The following C11orf58 variants were observed in gnomAD, a reference collection of about 807,000 sequenced individuals.
C11orf58 encodes the protein small acidic protein.
In C11orf58, 5 loss-of-function variants were observed where a neutral mutation model predicts 22.7. The observed-to-expected ratio is 0.22, with a 90% CI of 0.12 to 0.46. C11orf58 has a LOEUF of 0.46. Among genes scored for constraint, C11orf58 ranks in the 20% least tolerant of loss-of-function variants. The pLI is 0.99. For missense variants in C11orf58, 151 were observed against 223.3 expected (o/e 0.68, Z 2.06); for synonymous variants, 71 against 70.7 (o/e 1.00, Z -0.02).
intron 2 of C11orf58, among the ~76,000 whole-genome samples, chr11:16,745,723 ATTG>A: frequency 6.6e-6 from 1 of 152,200 alleles, no homozygotes; most frequent in East Asian, 1.9e-4. Flanking sequence ...GAAAATATCT[ATTG>A]TAAAAACCTT....
intron 3 of C11orf58, chr11:16,749,853 A>C (rs1223162667): frequency 3.9e-5 from 6 of 152,234 alleles, no homozygotes; most frequent in Non-Finnish European, 5.9e-5. Flanking sequence ...CCTCTCAGTG[A>C]GTGGCAAGTA....
intron 3 of C11orf58, 78 bp from the exon 4 acceptor site, chr11:16,752,707 T>G (rs1252359147): frequency 3.1e-6 from 3 of 974,120 alleles, no homozygotes; most frequent in Non-Finnish European, 4.6e-6. Context: ...GCCCTGAGTA[T>G]AATAGCATCT....
chr11:16,742,646 C>A (rs1248092791), intron 1 of C11orf58, among the ~76,000 whole-genome samples: 1 of 152,102 alleles, frequency 6.6e-6, no homozygotes, highest in African/African-American at 2.4e-5. Flanking sequence ...AATGCTTTAA[C>A]TCTCATATGC....
rs1848474457 is a variant in C11orf58, at chr11:16,744,584, A to G, written c.64-17A>G. Reference sequence around the variant, plus strand: ...TTTTTATGCAAAAAAAATTTAATCAACCAATTTTTTTTCTAGCTGGGATCT... The same window carrying G: ...TTTTTATGCAAAAAAAATTTAATCAGCCAATTTTTTTTCTAGCTGGGATCT... On this transcript the variant is annotated splice_polypyrimidine_tract_variant and intron_variant, in intron 1 of 4. Transcript: ENST00000228136. The G allele has an allele frequency of 1.9e-6, 3 of 1,609,766 alleles. No homozygotes were observed. Among genetic ancestry groups the G allele is most frequent in the East Asian group, 2.2e-5 (1 of 44,846 alleles).
rs1455805565 is a variant in C11orf58, at chr11:16,756,704, T to C, written c.*1600T>C. ...TGGCTGGATCACCTGAAGTCAGGAG[T>C]TTGAGACCAGCCTGACCAACATGGA... On this transcript the variant is annotated 3_prime_UTR_variant, in exon 5 of 5. Coordinates refer to ENST00000228136, the MANE Select transcript of C11orf58 (RefSeq NM_014267.6). The C allele has an allele frequency of 2.0e-5, 3 of 150,756 alleles. No individual in the cohort carries two copies. Among genetic ancestry groups the C allele is most frequent in the Admixed American group, 6.6e-5 (1 of 15,138 alleles). 9.3% of individuals were successfully genotyped at this position (150,756 alleles called of 1,614,324 possible).
At chr11:16,739,166 T>A (rs1189785545) in intron 1 of C11orf58, among the ~76,000 whole-genome samples, 3 of 152,084 alleles carry the variant, frequency 2.0e-5, no homozygotes, top group African/African-American at 7.2e-5. Flanking sequence ...TTCTCGGGCC[T>A]TTGTACTCAG....
At chr11:16,753,959 G>T in intron 4 of C11orf58, 1 of 552,046 alleles carries the variant, frequency 1.8e-6, no homozygotes, top group South Asian at 2.4e-5. Flanking sequence ...CTTCCAAAGT[G>T]CTGGAACTAC....
chr11:16,748,087 CT>C lies in C11orf58; in HGVS notation c.148-8del. On this transcript the variant is annotated splice_polypyrimidine_tract_variant and intron_variant, in intron 2 of 4. Coordinates refer to ENST00000228136, the MANE Select transcript of C11orf58 (RefSeq NM_014267.6). ...TCTCAAATGCTAATACATTTTCAAC[CT>C]TCTTATAGAAAGAACATACTGGTCG... The C allele has an allele frequency of 6.2e-7, 1 of 1,607,394 alleles. No homozygotes were observed. The highest frequency in any genetic ancestry group is 2.2e-5 in the East Asian group (1 of 44,734).
chr11:16,753,167 T>G (rs1376959863), intron 4 of C11orf58, among the ~76,000 whole-genome samples: 1 of 152,006 alleles, frequency 6.6e-6, no homozygotes, highest in Admixed American at 6.6e-5. Flanking sequence ...GTCTTCCACC[T>G]CGCGGGTTCA....
chr11:16,739,838 A>T (rs1590071484), intron 1 of C11orf58, among the ~76,000 whole-genome samples: 1 of 152,178 alleles, frequency 6.6e-6, no homozygotes, highest in African/African-American at 2.4e-5. Flanking sequence ...ATAGAGCTTT[A>T]AATTTTTCGA....
chr11:16,754,002 T>C, intron 4 of C11orf58: 1 of 452,290 alleles, frequency 2.2e-6, no homozygotes, highest in Non-Finnish European at 4.0e-6. Flanking sequence ...CCAGGGCACA[T>C]TTTTAATAGG....
intron 1 of C11orf58, among the ~76,000 whole-genome samples, chr11:16,742,797 CTTT>C (rs939767626): frequency 2.0e-4 from 31 of 151,990 alleles, no homozygotes; most frequent in African/African-American, 7.5e-4. Context: ...AATTTATATT[CTTT>C]GTTTTCCTGA....
intron 4 of C11orf58, 112 bp from the exon 5 acceptor site, chr11:16,754,759 T>G: frequency 6.7e-7 from 1 of 1,502,032 alleles, no homozygotes; most frequent in Non-Finnish European, 8.9e-7. Context: ...AAGCTGTTGT[T>G]CTAATGGCTA....
chr11:16,754,724 TTC>T, intron 4 of C11orf58, 145 bp from the exon 5 acceptor site: 2 of 1,337,572 alleles, frequency 1.5e-6, no homozygotes, highest in Non-Finnish European at 2.0e-6. Context: ...ACAGAGCTCT[TTC>T]TTAAAATTCT....
rs1411481585 is a variant in C11orf58, at chr11:16,756,951, TAAC to T, written c.*1850_*1852del. 1 of 151,412 alleles carries T rather than the reference TAAC, an allele frequency of 6.6e-6. No homozygotes were observed. The highest frequency in any genetic ancestry group is 1.5e-5 in the Non-Finnish European group (1 of 67,906). The allele number at this position is 151,412 out of a possible 1,614,324, so 9.4% of individuals were successfully genotyped here. ...AAATTTAGAATGTGTTAGAGAAATTTAACAAGTAGAACAGGTGATTTCTGGTTG... is the reference window on the plus strand; with the variant it reads ...AAATTTAGAATGTGTTAGAGAAATTTAAGTAGAACAGGTGATTTCTGGTTG... On this transcript the variant is annotated 3_prime_UTR_variant, in exon 5 of 5. Transcript: ENST00000228136.
chr11:16,746,620 G>A (rs1848489762), intron 2 of C11orf58: 1 of 152,154 alleles, frequency 6.6e-6, no homozygotes, highest in South Asian at 2.1e-4. Flanking sequence ...AAGTACTTAG[G>A]AAGAACATCC....
intron 3 of C11orf58, 173 bp from the exon 4 acceptor site, chr11:16,752,612 C>T (rs1232633264): frequency 9.7e-6 from 4 of 410,418 alleles, no homozygotes; most frequent in Non-Finnish European, 1.7e-5. Context: ...ATCTCAACAT[C>T]AGGCATTTTA....
intron 3 of C11orf58, chr11:16,748,420 C>A (rs1197975835): frequency 8.6e-6 from 2 of 232,912 alleles, no homozygotes; most frequent in Non-Finnish European, 1.7e-5. Flanking sequence ...CAGAGCAAGA[C>A]CTCATCTCTT....
chr11:16,746,808 A>G (rs913822287), intron 2 of C11orf58: 10 of 152,138 alleles, frequency 6.6e-5, no homozygotes, highest in Non-Finnish European at 1.3e-4. Flanking sequence ...ACCTGCCACC[A>G]TGACTGGCTA....
Sources: allele counts gnomAD v4.1 joint callset (sites outside exome capture counted in the v4.1 genomes callset), GRCh38; gene constraint gnomAD v4.1.1; transcripts MANE v1.5; gene names NCBI Gene and HGNC (gene_info 2026-07-23, HGNC 2026-07-21).